Variants in PRKCA observed in about 807,000 individuals in gnomAD.
PRKCA encodes the protein protein kinase C alpha type.
PRKCA carries 27 observed loss-of-function variants against 87.0 expected under a neutral mutation model. The ratio of observed to expected loss-of-function variants is 0.31; its 90% CI spans 0.23 to 0.43. PRKCA has a LOEUF of 0.43. Ranked by LOEUF, PRKCA falls within the 20% of genes least tolerant of loss-of-function variation. The probability of loss-of-function intolerance (pLI) is 1.00; values close to 1 mark genes in which losing one functional copy is unlikely to be tolerated. For synonymous variants in PRKCA, 329 were observed against 311.1 expected (o/e 1.06, Z -0.61); for missense variants, 518 against 852.3 (o/e 0.61, Z 4.88).
chr17:66,363,215 G>A (rs1016419910), intron 2 of PRKCA, among the ~76,000 whole-genome samples: 1 of 152,194 alleles, frequency 6.6e-6, no homozygotes, highest in African/African-American at 2.4e-5. Flanking sequence ...GCCAAATTGT[G>A]TAGTAAACAT....
intron 2 of PRKCA, among the ~76,000 whole-genome samples, chr17:66,460,099 C>T (rs946447386): frequency 2.6e-4 from 39 of 152,212 alleles, no homozygotes; most frequent in Non-Finnish European, 2.9e-5. Context: ...AGGAAGCCCA[C>T]AGAGTTGTGT....
intron 2 of PRKCA, among the ~76,000 whole-genome samples, chr17:66,490,519 A>G (rs914516849): frequency 6.6e-6 from 1 of 150,584 alleles, no homozygotes; most frequent in African/African-American, 2.4e-5. Flanking sequence ...AATTTTTTGT[A>G]TTTTTTAGTA....
chr17:66,391,102 A>T (rs1281830399), intron 2 of PRKCA, among the ~76,000 whole-genome samples: 2 of 152,082 alleles, frequency 1.3e-5, no homozygotes, highest in East Asian at 3.9e-4. Context: ...ACCTCCGGGT[A>T]TTTTTCTACA....
At chr17:66,774,531 G>A in intron 14 of PRKCA, 1 of 761,490 alleles carries the variant, frequency 1.3e-6, no homozygotes, top group Non-Finnish European at 1.6e-6. Flanking sequence ...TGAGGCATGA[G>A]AATTGCTTAA....
chr17:66,780,847 C>T (rs999611703), intron 14 of PRKCA, among the ~76,000 whole-genome samples: 9 of 152,084 alleles, frequency 5.9e-5, no homozygotes, highest in Non-Finnish European at 1.2e-4. Flanking sequence ...GTGACACACA[C>T]CTGTAATCCC....
chr17:66,704,499 C>T (rs1973143749), intron 8 of PRKCA, among the ~76,000 whole-genome samples: 2 of 152,112 alleles, frequency 1.3e-5, no homozygotes, highest in Non-Finnish European at 2.9e-5. Flanking sequence ...CAAACTAGAC[C>T]CCCAGTAATA....
At position 66,542,183 on chromosome 17, in the gene PRKCA, C is replaced by T. The variant is rs372190287; in HGVS notation, c.288+45900C>T. ...TAACTTTAAAATTATTACAGAGAGG[C>T]CTTAAGAAACTGTTCTGTATTAGAT... On this transcript the variant is annotated intron_variant, in intron 3 of 16. Coordinates refer to ENST00000413366, the MANE Select transcript of PRKCA (RefSeq NM_002737.3). 2.8e-4 allele frequency among the ~76,000 whole-genome samples: 43 copies of T among 152,252 alleles called. 1 individual carries two copies. The East Asian group carries it at 5.2e-3, about 18-fold the overall frequency.
Position 66,804,042 on chromosome 17 carries a change from C to G in PRKCA, c.*5C>G, listed in dbSNP as rs1975967380. 6.3e-7 allele frequency: 1 copy of G among 1,597,756 alleles called. No individual in the cohort carries two copies. Among genetic ancestry groups the G allele is most frequent in the African/African-American group, 1.3e-5 (1 of 74,746 alleles). On this transcript the variant is annotated 3_prime_UTR_variant, in exon 17 of 17. Coordinates refer to ENST00000413366, the MANE Select transcript of PRKCA (RefSeq NM_002737.3). ...ATCTTACAGAGTGCAGTATGAAACT[C>G]ACCAGCGAGAACAAACACCTCCCCA... is the stretch of plus-strand genomic sequence containing the variant.
intron 2 of PRKCA, among the ~76,000 whole-genome samples, chr17:66,407,160 A>G (rs1911461936): frequency 6.7e-6 from 1 of 148,372 alleles, no homozygotes; most frequent in South Asian, 2.1e-4. Context: ...TTTTTTTCCC[A>G]TTGGTTTTAT....
Position 66,594,759 on chromosome 17 carries a change from G to A in PRKCA, c.289-46596G>A, listed in dbSNP as rs1046462622. Among the ~76,000 whole-genome samples the A allele has an allele frequency of 1.4e-4, 21 of 152,260 alleles. No individual in the cohort carries two copies. In the South Asian group the frequency reaches 3.5e-3, roughly 26 times the overall value. On this transcript the variant is annotated intron_variant, in intron 3 of 16. Transcript: ENST00000413366. ...TCTACCACACGGGGCCCAGAACATC[G>A]TGTTCTCTGCTGCAAAACTGCATAG...
intron 2 of PRKCA, among the ~76,000 whole-genome samples, chr17:66,394,771 C>T (rs1910562931): frequency 6.6e-6 from 1 of 152,126 alleles, no homozygotes. Flanking sequence ...TGAGTTCTCA[C>T]GAGATCTGAT....
intron 13 of PRKCA, among the ~76,000 whole-genome samples, chr17:66,767,112 T>C (rs1042987189): frequency 2.6e-5 from 4 of 152,218 alleles, no homozygotes; most frequent in Admixed American, 1.3e-4. Context: ...CACATATTAA[T>C]TGATTGGCTT....
chr17:66,721,226 C>T (rs1454462888), intron 8 of PRKCA, among the ~76,000 whole-genome samples: 2 of 151,890 alleles, frequency 1.3e-5, no homozygotes, highest in Non-Finnish European at 2.9e-5. Context: ...GAAACCCCGT[C>T]TCTACTAAAA....
intron 3 of PRKCA, among the ~76,000 whole-genome samples, chr17:66,531,573 G>C (rs758194020): frequency 6.6e-6 from 1 of 152,188 alleles, no homozygotes; most frequent in Non-Finnish European, 1.5e-5. Flanking sequence ...CCCCTGGGTT[G>C]TTGGCTCCCT....
chr17:66,305,202 A>G (rs1391098291), intron 1 of PRKCA, among the ~76,000 whole-genome samples: 3 of 152,132 alleles, frequency 2.0e-5, no homozygotes, highest in Non-Finnish European at 2.9e-5. Flanking sequence ...GGGGTCCTTG[A>G]TTTACACGTT....
At chr17:66,589,931 C>T (rs1312113328) in intron 3 of PRKCA, among the ~76,000 whole-genome samples, 1 of 152,158 alleles carries the variant, frequency 6.6e-6, no homozygotes, top group Admixed American at 6.5e-5. Context: ...CTAGATCTCT[C>T]AATGTGCAGT....
chr17:66,380,995 A>G lies in PRKCA; in HGVS notation c.205+74868A>G, dbSNP rs917570907. ...CTTTCTGTCACTCACGCTAGAGTAC[A>G]GTGGCACCATCATAGCTCACTGTAG... On this transcript the variant is annotated intron_variant, in intron 2 of 16. Coordinates refer to ENST00000413366, the MANE Select transcript of PRKCA (RefSeq NM_002737.3). 1.3e-3 allele frequency among the ~76,000 whole-genome samples: 190 copies of G among 150,120 alleles called. 1 individual carries two copies. Among genetic ancestry groups the G allele is most frequent in the African/African-American group, 4.2e-3 (172 of 40,742 alleles).
intron 3 of PRKCA, among the ~76,000 whole-genome samples, chr17:66,522,964 G>A (rs1967218819): frequency 6.6e-6 from 1 of 152,132 alleles, no homozygotes. Context: ...CATGAATTCT[G>A]TTACTGATCC....
At chr17:66,361,563 G>A (rs569909739) in intron 2 of PRKCA, among the ~76,000 whole-genome samples, 4 of 151,948 alleles carry the variant, frequency 2.6e-5, no homozygotes, top group Non-Finnish European at 5.9e-5. Context: ...CATCCGCCTC[G>A]GCCTCCCAAA....
Sources: gnomAD v4.1 joint callset for allele counts (sites outside exome capture counted in the v4.1 genomes callset) on GRCh38, gnomAD v4.1.1 for gene constraint, MANE v1.5 for transcripts, NCBI Gene and HGNC (gene_info 2026-07-23, HGNC 2026-07-21) for gene names.